DYSF: variants seen among roughly 807,000 people sequenced by gnomAD.
DYSF encodes dysferlin, also known as dystrophy-associated fer-1-like 1.
In DYSF, 212 loss-of-function variants were observed where a neutral mutation model predicts 274.9. The ratio of observed to expected loss-of-function variants is 0.77; its 90% CI spans 0.69 to 0.86. The LOEUF (loss-of-function observed/expected upper bound fraction) is 0.86, where lower values mean the gene tolerates loss of function less well. DYSF is among the 40% of genes least tolerant of loss of function. The probability of loss-of-function intolerance (pLI) is 0.00; values close to 1 mark genes in which losing one functional copy is unlikely to be tolerated. For missense variants in DYSF, 2,666 were observed against 2,783.2 expected (o/e 0.96, Z 0.95); for synonymous variants, 1,091 against 1,078.7 (o/e 1.01, Z -0.22).
At chr2:71,676,951 G>GTT (rs2095232874) in intron 52 of DYSF, among the ~76,000 whole-genome samples, 1 of 151,422 alleles carries the variant, frequency 6.6e-6, no homozygotes, top group African/African-American at 2.4e-5. Flanking sequence ...GTGTGTGTGT[G>GTT]GTTTAATATT....
intron 3 of DYSF, 64 bp from the exon 4 acceptor site, chr2:71,503,150 G>C: frequency 6.9e-7 from 1 of 1,440,586 alleles, no homozygotes; most frequent in Non-Finnish European, 9.8e-7. Flanking sequence ...GCAGTGAGGG[G>C]TCTGGCAGAA....
At chr2:71,663,923 C>T (rs963376320) in intron 45 of DYSF, among the ~76,000 whole-genome samples, 7 of 152,212 alleles carry the variant, frequency 4.6e-5, no homozygotes, top group African/African-American at 1.7e-4. Flanking sequence ...AAAGCTCTGG[C>T]CCCTGGCTCT....
chr2:71,573,898 C>CT (rs1228782238), intron 29 of DYSF, among the ~76,000 whole-genome samples: 1 of 152,130 alleles, frequency 6.6e-6, no homozygotes, highest in East Asian at 1.9e-4. Context: ...TCTCGGCTCA[C>CT]TGCAACCTCC....
chr2:71,502,199 C>T (rs987106359), intron 3 of DYSF, among the ~76,000 whole-genome samples: 6 of 151,512 alleles, frequency 4.0e-5, no homozygotes, highest in South Asian at 2.1e-4. Flanking sequence ...CTCGTTAGGT[C>T]GAGGTTGCAG....
At chr2:71,656,358 G>C in intron 43 of DYSF, 68 bp downstream of exon 43, 1 of 1,605,628 alleles carries the variant, frequency 6.2e-7, no homozygotes, top group African/African-American at 1.3e-5. Flanking sequence ...ATAAGTGAAG[G>C]GGAGGGGTCG....
In DYSF at chr2:71,491,361, A is replaced by T. The variant is rs1473211767; in HGVS notation, c.239+9391A>T. 2.6e-5 allele frequency among the ~76,000 whole-genome samples: 4 copies of T among 152,370 alleles called. No individual in the cohort carries two copies. The East Asian group carries it at 5.8e-4, about 22-fold the overall frequency. ...TGCTTCTCACCTGTCAGTTGCACTC[A>T]CATGGCAACAGGCATTTACCCAGAG... On this transcript the variant is annotated intron_variant, in intron 3 of 55. Transcript: ENST00000410020.
rs780656004 is a variant in DYSF at position 71,620,604 on chromosome 2, C to T, written c.4522C>T (p.Pro1508Ser). 4.5e-6 allele frequency: 7 copies of T among 1,551,556 alleles called. No individual in the cohort carries two copies. The highest frequency in any genetic ancestry group is 6.1e-6 in the Non-Finnish European group (7 of 1,146,972). ...TAACACGGCTTCTCCTCCATCCAGT[C>T]CTCATGTATGTACTGTTTACTTATT... ...PTNTASPPSSPHEEEFIDWWS... is the reference protein window; with the variant it reads ...PTNTASPPSSSHEEEFIDWWS... The change falls in exon 41 of 56, where the codon CCT becomes TCT. Residue 1508 changes from proline to serine, a missense_variant. By Grantham distance (74) the Pro-to-Ser change is moderately conservative. Transcript: ENST00000410020.
chr2:71,631,713 C>T (rs989947603), intron 41 of DYSF, among the ~76,000 whole-genome samples: 4 of 152,130 alleles, frequency 2.6e-5, no homozygotes, highest in African/African-American at 4.8e-5. Context: ...ACATACTTCA[C>T]GGTCTCTCCT....
chr2:71,559,474 G>GGCT (rs1340944225), intron 22 of DYSF, among the ~76,000 whole-genome samples: 1 of 152,028 alleles, frequency 6.6e-6, no homozygotes, highest in African/African-American at 2.4e-5. Flanking sequence ...GCCCTGCAGT[G>GGCT]GCTGCTGCTG....
At chr2:71,586,161 C>G (rs563490458) in intron 30 of DYSF, among the ~76,000 whole-genome samples, 1 of 152,104 alleles carries the variant, frequency 6.6e-6, no homozygotes, top group Non-Finnish European at 1.5e-5. Flanking sequence ...CCAGTCTCCC[C>G]TGGGAGGGCC....
intron 41 of DYSF, among the ~76,000 whole-genome samples, chr2:71,620,946 G>A (rs13001268): frequency 0.4 from 60,579 of 151,816 alleles, 13,213 homozygotes; most frequent in East Asian, 0.48. Flanking sequence ...GACCCCAGAA[G>A]GCTCTTCTGG....
At chr2:71,593,125 C>CTTTTT (rs35900869) in intron 32 of DYSF, among the ~76,000 whole-genome samples, 63 of 85,560 alleles carry the variant, frequency 7.4e-4, no homozygotes, top group South Asian at 2.6e-3. Context: ...TCAGTGACTT[C>CTTTTT]TTTTTTTTTT....
rs757191253 is a variant in DYSF, at chr2:71,668,973, G to A, written c.5546+131G>A. The A allele has an allele frequency of 5.0e-5, 66 of 1,313,618 alleles. No individual in the cohort carries two copies. In the East Asian group the frequency reaches 6.5e-4, roughly 13 times the overall value. The allele number at this position is 1,313,618 out of a possible 1,614,324, so 81.4% of individuals were successfully genotyped here. A position where few individuals can be genotyped will look rare whatever the true frequency, so the allele number is the denominator to read the frequency against. On this transcript the variant is annotated intron_variant, in intron 49 of 55. Coordinates refer to ENST00000410020, the MANE Select transcript of DYSF (RefSeq NM_001130987.2). The stretch of plus-strand genomic sequence containing the variant: ...ATTTGGGCCATGGAATACAGTTCTC[G>A]TTTGGGCCTGGGCCAGTGTCCAGCC...
chr2:71,680,243 C>T (rs1165771784), intron 53 of DYSF, among the ~76,000 whole-genome samples: 1 of 152,046 alleles, frequency 6.6e-6, no homozygotes, highest in Non-Finnish European at 1.5e-5. Flanking sequence ...TAAGGGAGGA[C>T]TACTGTATTT....
rs1442624494 is a variant in DYSF at position 71,484,048 on chromosome 2, T to C, written c.239+2078T>C. Among the ~76,000 whole-genome samples, 10 of 46,714 alleles carry C rather than the reference T, an allele frequency of 2.1e-4. No homozygotes were observed. The East Asian group carries it at 0.077, about 359-fold the overall frequency. 30.6% of individuals were successfully genotyped at this position (46,714 alleles called of 152,430 possible). On this transcript the variant is annotated intron_variant, in intron 3 of 55. Coordinates refer to ENST00000410020, the MANE Select transcript of DYSF (RefSeq NM_001130987.2). ...CAGGCTCTGTGGGGAGATTTCCCTTTTTTTTTTTTTTTTTTTTTTTTTGAG... is the reference window on the plus strand; with the variant it reads ...CAGGCTCTGTGGGGAGATTTCCCTTCTTTTTTTTTTTTTTTTTTTTTTGAG...
At chr2:71,501,588 C>T (rs1385735999) in intron 3 of DYSF, among the ~76,000 whole-genome samples, 1 of 152,142 alleles carries the variant, frequency 6.6e-6, no homozygotes, top group East Asian at 1.9e-4. Context: ...ACTTCCTCCT[C>T]CCCCCAGCTT....
At chr2:71,672,212 C>T (rs970922130) in intron 51 of DYSF, among the ~76,000 whole-genome samples, 1 of 152,032 alleles carries the variant, frequency 6.6e-6, no homozygotes, top group Non-Finnish European at 1.5e-5. Flanking sequence ...CTGGCTTGGC[C>T]GAAGGCAGAG....
At chr2:71,674,116 C>T (rs2095177403) in intron 51 of DYSF, 81 bp from the exon 52 acceptor site, 3 of 1,306,866 alleles carry the variant, frequency 2.3e-6, no homozygotes, top group Middle Eastern at 2.4e-4. Context: ...CTCCTCCAGG[C>T]AGCCTTCCAG....
At chr2:71,562,635 G>A (rs922782519) in intron 23 of DYSF, among the ~76,000 whole-genome samples, 1 of 152,218 alleles carries the variant, frequency 6.6e-6, no homozygotes, top group Non-Finnish European at 1.5e-5. Flanking sequence ...TCTGACCAGA[G>A]CCCTGTGGGA....
Sources: allele counts gnomAD v4.1 joint callset (sites outside exome capture counted in the v4.1 genomes callset), GRCh38; gene constraint gnomAD v4.1.1; transcripts MANE v1.5; gene names NCBI Gene and HGNC (gene_info 2026-07-23, HGNC 2026-07-21).